Variants in PALM2AKAP2 observed in about 807,000 individuals in gnomAD.
The protein encoded by PALM2AKAP2 is PALM2-AKAP2 fusion protein.
PALM2AKAP2 carries 37 observed loss-of-function variants against 71.5 expected under a neutral mutation model. The ratio of observed to expected loss-of-function variants is 0.52; its 90% CI spans 0.40 to 0.68. The LOEUF (loss-of-function observed/expected upper bound fraction) is 0.68. Ranked by LOEUF, PALM2AKAP2 falls within the 30% of genes least tolerant of loss-of-function variation. The pLI, the probability that PALM2AKAP2 is intolerant of heterozygous loss-of-function variation, is 0.00. For missense variants in PALM2AKAP2, 1,224 were observed against 1,191.8 expected (o/e 1.03, Z -0.40); for synonymous variants, 468 against 478.8 (o/e 0.98, Z 0.29).
intron 3 of PALM2AKAP2, among the ~76,000 whole-genome samples, chr9:109,883,430 A>G (rs1427034668): frequency 6.6e-6 from 1 of 152,056 alleles, no homozygotes; most frequent in East Asian, 1.9e-4. Context: ...TGCTGAGATG[A>G]GCTGTGCTCC....
intron 6 of PALM2AKAP2, among the ~76,000 whole-genome samples, chr9:109,985,154 T>C (rs1476230780): frequency 6.6e-6 from 1 of 151,178 alleles, no homozygotes; most frequent in East Asian, 2.0e-4. Context: ...CCAGCCTGGG[T>C]GACAGAGCAA....
chr9:109,866,590 A>G (rs539312448), intron 1 of PALM2AKAP2, among the ~76,000 whole-genome samples: 2 of 152,354 alleles, frequency 1.3e-5, no homozygotes, highest in Admixed American at 6.5e-5. Context: ...TCCCTTTACA[A>G]CCAGCTTCTA....
intron 1 of PALM2AKAP2, among the ~76,000 whole-genome samples, chr9:109,655,284 G>A (rs1415791804): frequency 2.3e-5 from 3 of 130,272 alleles, no homozygotes; most frequent in African/African-American, 9.3e-5. Context: ...GGGCGACAGA[G>A]CGAGACTCGG....
intron 6 of PALM2AKAP2, among the ~76,000 whole-genome samples, chr9:110,010,996 CAAAAAA>C (rs754903953): frequency 3.7e-5 from 2 of 54,286 alleles, no homozygotes; most frequent in African/African-American, 7.2e-5. Flanking sequence ...AACTCTGTCT[CAAAAAA>C]AAAAAAAAAA....
intron 1 of PALM2AKAP2, among the ~76,000 whole-genome samples, chr9:109,757,556 G>A (rs1382086236): frequency 6.6e-6 from 1 of 152,086 alleles, no homozygotes; most frequent in Non-Finnish European, 1.5e-5. Context: ...ACTCCAAGGA[G>A]TGTCTATCAC....
chr9:109,712,567 A>G (rs975404609), intron 1 of PALM2AKAP2, among the ~76,000 whole-genome samples: 8 of 152,236 alleles, frequency 5.3e-5, no homozygotes, highest in African/African-American at 1.9e-4. Context: ...TAAAGGCTGC[A>G]GAAGGAATAT....
chr9:110,016,071 G>A (rs1375731699), intron 7 of PALM2AKAP2, 32 bp downstream of exon 7: 1 of 1,602,872 alleles, frequency 6.2e-7, no homozygotes, highest in Non-Finnish European at 8.5e-7. Flanking sequence ...GATTCTCAAA[G>A]TGTATCTCTA....
rs567960414 is a variant in PALM2AKAP2, at chr9:109,960,397, A to G, written c.496+28369A>G. ...TAATTTTTTAGTTCCAAAATGGATC[A>G]GTAGCAGCACCTTTGATCTCTGAAG... On this transcript the variant is annotated intron_variant, in intron 6 of 9. Coordinates refer to the PALM2AKAP2 transcript ENST00000302798. 2.0e-5 allele frequency among the ~76,000 whole-genome samples: 3 copies of G among 152,370 alleles called. No homozygotes were observed. In the East Asian group the frequency reaches 5.8e-4, roughly 29 times the overall value.
chr9:110,105,824 C>T (rs1835106225), intron 1 of PALM2AKAP2, among the ~76,000 whole-genome samples: 1 of 152,186 alleles, frequency 6.6e-6, no homozygotes, highest in African/African-American at 2.4e-5. Context: ...CAAGCTCCCT[C>T]AGCTAGTTAA....
chr9:109,702,810 T>C (rs1828083817), intron 1 of PALM2AKAP2, among the ~76,000 whole-genome samples: 1 of 151,170 alleles, frequency 6.6e-6, no homozygotes, highest in South Asian at 2.1e-4. Context: ...TGTTTTTTAC[T>C]TTTTCTTTTC....
At chr9:110,139,450 C>A (rs1312829266) in intron 2 of PALM2AKAP2, among the ~76,000 whole-genome samples, 1 of 152,170 alleles carries the variant, frequency 6.6e-6, no homozygotes, top group Non-Finnish European at 1.5e-5. Flanking sequence ...CGAGAGTAAG[C>A]ATTTGAAAAC....
intron 1 of PALM2AKAP2, among the ~76,000 whole-genome samples, chr9:110,120,292 C>T (rs1457365949): frequency 2.6e-5 from 4 of 152,202 alleles, no homozygotes; most frequent in Non-Finnish European, 5.9e-5. Flanking sequence ...ATGCCTGAGG[C>T]AGACAGCAGA....
At chr9:109,829,437 T>C (rs1828239653) in intron 1 of PALM2AKAP2, among the ~76,000 whole-genome samples, 1 of 152,182 alleles carries the variant, frequency 6.6e-6, no homozygotes, top group Non-Finnish European at 1.5e-5. Flanking sequence ...CCCAGCACCC[T>C]GGAGCAAAGA....
chr9:109,923,970 A>G (rs530472430), intron 4 of PALM2AKAP2, 121 bp downstream of exon 4: 15 of 1,047,898 alleles, frequency 1.4e-5, no homozygotes, highest in South Asian at 1.7e-5. Context: ...CACGAACTCT[A>G]TGAAATGAGG....
intron 3 of PALM2AKAP2, among the ~76,000 whole-genome samples, chr9:110,165,896 G>A (rs964999562): frequency 1.3e-5 from 2 of 152,180 alleles, no homozygotes; most frequent in African/African-American, 4.8e-5. Flanking sequence ...ATTTGCTCAA[G>A]TTGTTTGAGA....
chr9:110,108,788 A>G (rs1588113689), intron 1 of PALM2AKAP2, among the ~76,000 whole-genome samples: 1 of 152,236 alleles, frequency 6.6e-6, no homozygotes, highest in African/African-American at 2.4e-5. Flanking sequence ...TTTAAGTTAT[A>G]TATTGCACGA....
At chr9:109,977,656 C>T (rs896759319) in intron 6 of PALM2AKAP2, among the ~76,000 whole-genome samples, 1 of 152,184 alleles carries the variant, frequency 6.6e-6, no homozygotes, top group Non-Finnish European at 1.5e-5. Flanking sequence ...TCTGGAAAAA[C>T]TGACATTTAC....
intron 6 of PALM2AKAP2, among the ~76,000 whole-genome samples, chr9:109,968,957 G>A (rs540840728): frequency 2.6e-5 from 4 of 152,232 alleles, no homozygotes; most frequent in African/African-American, 9.6e-5. Context: ...GACACAGACA[G>A]AGAGACTGTG....
At chr9:110,132,465 G>C (rs1208774669) in intron 1 of PALM2AKAP2, among the ~76,000 whole-genome samples, 1 of 151,656 alleles carries the variant, frequency 6.6e-6, no homozygotes, top group African/African-American at 2.4e-5. Context: ...AAATAGCTAG[G>C]ATTACAGGTG....
Sources: allele counts gnomAD v4.1 joint callset (sites outside exome capture counted in the v4.1 genomes callset), GRCh38; gene constraint gnomAD v4.1.1; transcripts MANE v1.5; gene names NCBI Gene and HGNC (gene_info 2026-07-23, HGNC 2026-07-21).